The following PTPRN2 variants were observed in gnomAD, a reference collection of about 807,000 sequenced individuals.
The protein encoded by PTPRN2 is receptor-type tyrosine-protein phosphatase N2.
PTPRN2 carries 74 observed loss-of-function variants against 118.8 expected under a neutral mutation model. The observed-to-expected ratio is 0.62, with a 90% CI of 0.52 to 0.76. PTPRN2 has a LOEUF of 0.76. Among genes scored for constraint, PTPRN2 ranks in the 30% least tolerant of loss-of-function variants. The probability of loss-of-function intolerance (pLI) is 0.00; values close to 1 mark genes in which losing one functional copy is unlikely to be tolerated. For missense variants in PTPRN2, 1,481 were observed against 1,394.4 expected, an observed-to-expected ratio of 1.06 and a Z score of -0.99; for synonymous variants, 641 against 608.0, an observed-to-expected ratio of 1.05 and a Z score of -0.80.
At chr7:158,489,057 T>C (rs889495243) in intron 2 of PTPRN2, among the ~76,000 whole-genome samples, 7 of 152,242 alleles carry the variant, frequency 4.6e-5, no homozygotes, top group Admixed American at 4.6e-4. Context: ...TCATAATAAC[T>C]GCCGTCCTCA....
chr7:157,953,803 A>C lies in PTPRN2; in HGVS notation c.1724-55066T>G, dbSNP rs78614557. Among the ~76,000 whole-genome samples, 239 of 152,274 alleles carry C rather than the reference A, an allele frequency of 1.6e-3. No homozygotes were observed. Among genetic ancestry groups the C allele is most frequent in the African/African-American group, 5.7e-3 (236 of 41,548 alleles). On this transcript the variant is annotated intron_variant, in intron 11 of 22. Coordinates refer to ENST00000389418, the MANE Select transcript of PTPRN2 (RefSeq NM_002847.5). The surrounding 1 kb of genome is among the most constrained non-coding windows in gnomAD (Gnocchi z 4.6). Reference sequence around the variant, plus strand: ...AGGATCCCTCCTGAGGGTGAGGGCGACCGAGAAAGGAATGAGGGCATAAGA... The same window carrying C: ...AGGATCCCTCCTGAGGGTGAGGGCGCCCGAGAAAGGAATGAGGGCATAAGA...
At chr7:157,694,479 A>T (rs1797673252) in intron 12 of PTPRN2, among the ~76,000 whole-genome samples, 1 of 152,194 alleles carries the variant, frequency 6.6e-6, no homozygotes, top group African/African-American at 2.4e-5. Context: ...GCCTCGCCAA[A>T]GCTGAAGGCG....
intron 2 of PTPRN2, among the ~76,000 whole-genome samples, chr7:158,322,260 C>A (rs1343785203): frequency 1.3e-5 from 2 of 152,216 alleles, no homozygotes; most frequent in African/African-American, 4.8e-5. Context: ...GCAGACACTG[C>A]AGGCTCCATG....
intron 10 of PTPRN2, among the ~76,000 whole-genome samples, chr7:158,105,462 G>C (rs781443315): frequency 2.1e-4 from 31 of 148,676 alleles, no homozygotes; most frequent in Non-Finnish European, 1.3e-4. Context: ...CTCCACCCTA[G>C]CTTCACCCTC....
At chr7:158,332,010 A>T (rs1183522257) in intron 2 of PTPRN2, among the ~76,000 whole-genome samples, 1 of 151,198 alleles carries the variant, frequency 6.6e-6, no homozygotes, top group Non-Finnish European at 1.5e-5. Context: ...ATAAGAGCTG[A>T]CAACCGCAAA....
At chr7:158,467,711 G>C (rs984668869) in intron 2 of PTPRN2, among the ~76,000 whole-genome samples, 3 of 152,168 alleles carry the variant, frequency 2.0e-5, no homozygotes, top group African/African-American at 4.8e-5. Context: ...TCTTACCCCA[G>C]AGTCTGCTTC....
intron 2 of PTPRN2, among the ~76,000 whole-genome samples, chr7:158,488,333 T>G (rs1438774897): frequency 6.6e-6 from 1 of 151,994 alleles, no homozygotes; most frequent in Admixed American, 6.5e-5. Context: ...GAGCTGCCGG[T>G]TCCCACTTGT....
chr7:158,212,515 T>C (rs920729013), intron 3 of PTPRN2, among the ~76,000 whole-genome samples: 1 of 152,188 alleles, frequency 6.6e-6, no homozygotes, highest in Non-Finnish European at 1.5e-5. Context: ...TATACACCTG[T>C]GTACCCACAA....
chr7:158,560,332 T>G (rs1827295598), intron 1 of PTPRN2, among the ~76,000 whole-genome samples: 1 of 152,256 alleles, frequency 6.6e-6, no homozygotes. Context: ...CAGGTATGTA[T>G]GTACCCAGAA....
At chr7:157,904,209 C>G (rs923327321) in intron 11 of PTPRN2, among the ~76,000 whole-genome samples, 1 of 152,178 alleles carries the variant, frequency 6.6e-6, no homozygotes, top group African/African-American at 2.4e-5. Flanking sequence ...TGCTGTGTGC[C>G]CCACTAACAG....
intron 2 of PTPRN2, among the ~76,000 whole-genome samples, chr7:158,393,666 T>C (rs1381534638): frequency 6.6e-6 from 1 of 152,180 alleles, no homozygotes; most frequent in Non-Finnish European, 1.5e-5. Context: ...TTTCACAGCT[T>C]AGTGGGGGAT....
chr7:158,488,290 A>G (rs530660552), intron 2 of PTPRN2, among the ~76,000 whole-genome samples: 23 of 152,250 alleles, frequency 1.5e-4, no homozygotes, highest in Admixed American at 2.0e-4. Flanking sequence ...AGGCTGGGCC[A>G]GAACCTCACC....
Position 157,987,682 on chromosome 7 carries a change from C to T in PTPRN2, c.1724-88945G>A, listed in dbSNP as rs1214629257. 6.6e-6 allele frequency among the ~76,000 whole-genome samples: 1 copy of T among 152,162 alleles called. No individual in the cohort carries two copies. The highest frequency in any genetic ancestry group is 1.5e-5 in the Non-Finnish European group (1 of 68,022). On this transcript the variant is annotated intron_variant, in intron 11 of 22. Transcript: ENST00000389418. This position sits in a 1 kb window ranked among gnomAD's most constrained non-coding sequence, Gnocchi z 4.3. ...AGGTTCCTCGGGCCTGTCCTAAATG[C>T]TATCAGTCTTTCTCTAGAGATGGGG...
At chr7:158,238,034 C>T (rs993384546) in intron 3 of PTPRN2, among the ~76,000 whole-genome samples, 11 of 152,162 alleles carry the variant, frequency 7.2e-5, no homozygotes, top group South Asian at 4.1e-4. Context: ...CCAGCTGTTC[C>T]GGCAGGGCTG....
intron 11 of PTPRN2, among the ~76,000 whole-genome samples, chr7:158,049,141 TCAC>T (rs1164163481): frequency 2.5e-4 from 12 of 47,842 alleles, no homozygotes; most frequent in African/African-American, 4.7e-4. Context: ...ATCATCATCA[TCAC>T]ATCATCACCA....
intron 11 of PTPRN2, chr7:158,027,383 G>A (rs1262119644): frequency 2.6e-5 from 4 of 152,252 alleles, no homozygotes; most frequent in Non-Finnish European, 5.9e-5. Flanking sequence ...GATGCCAGGA[G>A]GGGCAGATGT....
At chr7:157,661,037 A>G (rs1795858821) in intron 13 of PTPRN2, among the ~76,000 whole-genome samples, 1 of 152,228 alleles carries the variant, frequency 6.6e-6, no homozygotes, top group Non-Finnish European at 1.5e-5. Flanking sequence ...TACAGGCGTG[A>G]GCCACTGCAC....
At chr7:157,856,132 T>C (rs1365932243) in intron 12 of PTPRN2, 1 of 152,188 alleles carries the variant, frequency 6.6e-6, no homozygotes, top group African/African-American at 2.4e-5. Flanking sequence ...TTTAACACGG[T>C]GGGATGTCTT....
intron 16 of PTPRN2, among the ~76,000 whole-genome samples, chr7:157,602,117 C>A (rs1166380246): frequency 2.0e-5 from 3 of 152,234 alleles, no homozygotes; most frequent in African/African-American, 7.2e-5. Context: ...CGGAACCAAG[C>A]TTGGGAGTCA....
Sources: gnomAD v4.1 joint callset for allele counts (sites outside exome capture counted in the v4.1 genomes callset) on GRCh38, gnomAD v4.1.1 for gene constraint, Gnocchi (gnomAD v3.1) non-coding constraint, MANE v1.5 for transcripts, NCBI Gene and HGNC (gene_info 2026-07-23, HGNC 2026-07-21) for gene names.